Variants in HTR2C observed in about 807,000 individuals in gnomAD.
HTR2C encodes 5-hydroxytryptamine receptor 2C.
Under a neutral mutation model 21.0 loss-of-function variants are expected in HTR2C, and 5 were observed. The observed-to-expected ratio is 0.24, with a 90% CI of 0.12 to 0.50. HTR2C has a LOEUF of 0.50. HTR2C is among the 20% of genes least tolerant of loss of function. The probability of loss-of-function intolerance (pLI) is 0.98; values close to 1 mark genes in which losing one functional copy is unlikely to be tolerated. For missense variants in HTR2C, 271 were observed against 371.2 expected, an observed-to-expected ratio of 0.73 and a Z score of 2.22; for synonymous variants, 150 against 145.3, an observed-to-expected ratio of 1.03 and a Z score of -0.23.
At chrX:114,636,491 C>G (rs782261432) in intron 2 of HTR2C, among the ~76,000 whole-genome samples, 2 of 112,102 alleles carry the variant, frequency 1.8e-5, no homozygotes, top group South Asian at 7.3e-4. Context: ...TCATTCTGTA[C>G]TTGAAAATTG....
intron 4 of HTR2C, among the ~76,000 whole-genome samples, chrX:114,796,348 G>T (rs1466526688): frequency 9.0e-6 from 1 of 111,531 alleles, no homozygotes; most frequent in Admixed American, 9.6e-5. Context: ...TCAGGATTGG[G>T]TATTTTACAT....
intron 2 of HTR2C, among the ~76,000 whole-genome samples, chrX:114,723,531 TTTAAG>T (rs1165010560): frequency 7.1e-4 from 78 of 110,058 alleles, no homozygotes; most frequent in African/African-American, 2.5e-3. Context: ...TCTGCTCTGA[TTTAAG>T]TTATTTCTTG....
At chrX:114,724,067 T>A (rs1367238011) in intron 2 of HTR2C, among the ~76,000 whole-genome samples, 1 of 105,531 alleles carries the variant, frequency 9.5e-6, no homozygotes, top group Non-Finnish European at 1.9e-5. Flanking sequence ...TTCCTGGGTA[T>A]CCTTGTTGAC....
chrX:114,596,023 AC>A (rs200552347), intron 1 of HTR2C, among the ~76,000 whole-genome samples: 2,304 of 111,885 alleles, frequency 0.021, 63 homozygotes, highest in African/African-American at 0.071. Context: ...AATAGCCAGA[AC>A]CCAGATAACA....
chrX:114,696,833 C>T (rs1556415954), intron 2 of HTR2C, among the ~76,000 whole-genome samples: 1 of 110,205 alleles, frequency 9.1e-6, no homozygotes, highest in East Asian at 2.8e-4. Flanking sequence ...ACCTCTTTAT[C>T]GCATAAATCT....
At chrX:114,806,196 T>G (rs1474125883) in intron 4 of HTR2C, among the ~76,000 whole-genome samples, 1 of 99,865 alleles carries the variant, frequency 1.0e-5, no homozygotes, top group Non-Finnish European at 2.0e-5. Context: ...ACACCATATA[T>G]ATACCATATA....
intron 1 of HTR2C, among the ~76,000 whole-genome samples, chrX:114,604,931 C>A (rs1377544554): frequency 2.7e-5 from 3 of 111,009 alleles, no homozygotes; most frequent in Non-Finnish European, 3.8e-5. Context: ...TTAATTAAAT[C>A]CTGTTGTGGG....
rs1178887263 is a variant in HTR2C, at chrX:114,891,789, G to GT, written c.551-14791dup. Among the ~76,000 whole-genome samples, 102 of 109,164 alleles carry GT rather than the reference G, an allele frequency of 9.3e-4. 1 individual carries two copies. Among genetic ancestry groups the GT allele is most frequent in the Non-Finnish European group, 1.5e-3 (78 of 52,143 alleles). The allele number at this position is 109,164 out of a possible 115,157, so 94.8% of individuals were successfully genotyped here. On this transcript the variant is annotated intron_variant, in intron 5 of 5. Transcript: ENST00000276198. ...ATCATAATTTAGTCTGGCAATAGCT[G>GT]TTTTTTTTTATAAGAATATATCTTT...
At chrX:114,681,319 C>T (rs1556413477) in intron 2 of HTR2C, among the ~76,000 whole-genome samples, 1 of 110,972 alleles carries the variant, frequency 9.0e-6, no homozygotes, top group Non-Finnish European at 1.9e-5. Context: ...TGATCTTTGC[C>T]AGGCTTAATA....
At chrX:114,760,372 T>C in intron 4 of HTR2C, among the ~76,000 whole-genome samples, 1 of 111,803 alleles carries the variant, frequency 8.9e-6, no homozygotes, top group Middle Eastern at 4.7e-3. Context: ...GCAATTGGAT[T>C]AATTTTTACA....
chrX:114,697,087 C>A (rs1304802508), intron 2 of HTR2C, among the ~76,000 whole-genome samples: 1 of 111,973 alleles, frequency 8.9e-6, no homozygotes, highest in Non-Finnish European at 1.9e-5. Context: ...CAGAAATTTC[C>A]TTTCCATGAT....
intron 4 of HTR2C, among the ~76,000 whole-genome samples, chrX:114,799,300 C>T (rs2070324159): frequency 9.0e-6 from 1 of 110,507 alleles, no homozygotes; most frequent in South Asian, 3.8e-4. Flanking sequence ...ACAATTTCTG[C>T]CACAACCCAC....
intron 4 of HTR2C, among the ~76,000 whole-genome samples, chrX:114,798,112 T>A (rs1255513798): frequency 9.0e-6 from 1 of 111,274 alleles, no homozygotes; most frequent in African/African-American, 3.3e-5. Context: ...CAGCTCTATA[T>A]TCCTCAGATA....
intron 2 of HTR2C, among the ~76,000 whole-genome samples, chrX:114,648,709 A>G (rs782654941): frequency 2.7e-5 from 3 of 111,903 alleles, no homozygotes; most frequent in Non-Finnish European, 3.8e-5. Flanking sequence ...ACCTGGCAAC[A>G]GAGTGAGACC....
At chrX:114,815,135 GCC>G (rs1267014606) in intron 4 of HTR2C, among the ~76,000 whole-genome samples, 3 of 108,526 alleles carry the variant, frequency 2.8e-5, no homozygotes, top group Non-Finnish European at 5.7e-5. Flanking sequence ...TGAGTAAAGT[GCC>G]TTTTCTGTAC....
At chrX:114,827,397 A>G (rs1486482656) in intron 4 of HTR2C, among the ~76,000 whole-genome samples, 1 of 111,481 alleles carries the variant, frequency 9.0e-6, no homozygotes, top group Admixed American at 9.6e-5. Flanking sequence ...TCTTAGTTGT[A>G]ATATGGATTA....
At chrX:114,657,827 C>T (rs900715547) in intron 2 of HTR2C, among the ~76,000 whole-genome samples, 2 of 111,201 alleles carry the variant, frequency 1.8e-5, no homozygotes, top group Non-Finnish European at 3.8e-5. Flanking sequence ...TTATTAGTAA[C>T]TATAACTCCT....
intron 2 of HTR2C, among the ~76,000 whole-genome samples, chrX:114,706,729 A>G (rs1473511640): frequency 9.1e-6 from 1 of 110,454 alleles, no homozygotes; most frequent in Non-Finnish European, 1.9e-5. Context: ...AATAAAAATA[A>G]TAAAAAAGAA....
intron 4 of HTR2C, among the ~76,000 whole-genome samples, chrX:114,813,212 C>T (rs944322208): frequency 8.9e-6 from 1 of 111,943 alleles, no homozygotes; most frequent in East Asian, 2.8e-4. Flanking sequence ...CAAAAACAGA[C>T]TTAAAAAATA....
Sources: allele counts gnomAD v4.1 joint callset (sites outside exome capture counted in the v4.1 genomes callset), GRCh38; gene constraint gnomAD v4.1.1; transcripts MANE v1.5; gene names NCBI Gene and HGNC (gene_info 2026-07-23, HGNC 2026-07-21).